The following FGF13 variants were observed in gnomAD, a reference collection of about 807,000 sequenced individuals.
The protein encoded by FGF13 is fibroblast growth factor homologous factor 2.
Under a neutral mutation model 19.5 loss-of-function variants are expected in FGF13, and 2 were observed. That is an observed-to-expected ratio of 0.10 (90% CI 0.04 to 0.32). The LOEUF (loss-of-function observed/expected upper bound fraction) is 0.32, where lower values mean the gene tolerates loss of function less well. FGF13 is among the 10% of genes least tolerant of loss of function. The pLI, the probability that FGF13 is intolerant of heterozygous loss-of-function variation, is 1.00. For missense variants in FGF13, 113 were observed against 192.7 expected (o/e 0.59, Z 2.45); for synonymous variants, 72 against 76.9 (o/e 0.94, Z 0.33).
intron 1 of FGF13, among the ~76,000 whole-genome samples, chrX:139,183,082 G>A (rs978270268): frequency 1.1e-4 from 12 of 111,508 alleles, no homozygotes; most frequent in African/African-American, 3.6e-4. Flanking sequence ...AAAGGGGAAG[G>A]GCAAATCTGC....
At chrX:138,904,865 A>G (rs189937240) in intron 1 of FGF13, among the ~76,000 whole-genome samples, 1 of 111,905 alleles carries the variant, frequency 8.9e-6, no homozygotes, top group African/African-American at 3.2e-5. Context: ...GTTGAAAGTG[A>G]AACTTGGTAA....
At chrX:138,897,786 T>A (rs1396327711) in intron 1 of FGF13, among the ~76,000 whole-genome samples, 2 of 111,546 alleles carry the variant, frequency 1.8e-5, no homozygotes, top group Non-Finnish European at 3.8e-5. Context: ...GCTTGCATGA[T>A]CAGCCATGGC....
chrX:139,175,013 T>C (rs776348889), intron 1 of FGF13, among the ~76,000 whole-genome samples: 2 of 112,311 alleles, frequency 1.8e-5, no homozygotes, highest in Non-Finnish European at 3.8e-5. Flanking sequence ...TGATATTGTT[T>C]CTTCCTATCC....
chrX:139,121,940 G>A (rs779626864), intron 1 of FGF13, among the ~76,000 whole-genome samples: 7 of 110,852 alleles, frequency 6.3e-5, no homozygotes, highest in Non-Finnish European at 9.4e-5. Context: ...GCTTAGGATC[G>A]GCTAGTTTGA....
At chrX:139,029,749 G>T (rs2092219612) in intron 1 of FGF13, among the ~76,000 whole-genome samples, 1 of 110,975 alleles carries the variant, frequency 9.0e-6, no homozygotes, top group African/African-American at 3.3e-5. Context: ...GTTATATGAG[G>T]CTCAATTTAC....
chrX:138,851,393 C>T (rs1468367696), intron 3 of FGF13, among the ~76,000 whole-genome samples: 3 of 111,691 alleles, frequency 2.7e-5, no homozygotes, highest in Non-Finnish European at 5.7e-5. Flanking sequence ...ACAGCCTTAC[C>T]ACCATCTGTT....
At chrX:138,917,780 T>TG (rs1471456737) in intron 1 of FGF13, among the ~76,000 whole-genome samples, 1 of 111,637 alleles carries the variant, frequency 9.0e-6, no homozygotes, top group Non-Finnish European at 1.9e-5. Flanking sequence ...AGGCAACATC[T>TG]GGGGGTGTGT....
chrX:139,077,710 T>C (rs1444670566), intron 1 of FGF13, among the ~76,000 whole-genome samples: 1 of 111,860 alleles, frequency 8.9e-6, no homozygotes, highest in Non-Finnish European at 1.9e-5. Flanking sequence ...AGATAATGTG[T>C]AAACTTAAAA....
intron 1 of FGF13, among the ~76,000 whole-genome samples, chrX:139,175,446 A>C (rs1446610728): frequency 9.0e-6 from 1 of 110,775 alleles, no homozygotes; most frequent in East Asian, 2.8e-4. Context: ...ATGTTGAATA[A>C]GAGTTCTGAG....
At chrX:139,089,841 A>C (rs2083428411) in intron 1 of FGF13, among the ~76,000 whole-genome samples, 1 of 111,486 alleles carries the variant, frequency 9.0e-6, no homozygotes, top group Admixed American at 9.5e-5. Flanking sequence ...CTTTGTGACC[A>C]TCATTATTAT....
intron 1 of FGF13, among the ~76,000 whole-genome samples, chrX:139,049,632 C>T (rs1324347950): frequency 1.8e-5 from 2 of 112,575 alleles, no homozygotes; most frequent in African/African-American, 6.5e-5. Flanking sequence ...CCATGAGTCA[C>T]AATGGCAGCT....
chrX:139,158,333 T>C (rs1330368653), intron 1 of FGF13, among the ~76,000 whole-genome samples: 3 of 110,567 alleles, frequency 2.7e-5, no homozygotes, highest in Admixed American at 1.9e-4. Flanking sequence ...CCCACCCCCA[T>C]TGAGCCCAGC....
intron 1 of FGF13, among the ~76,000 whole-genome samples, chrX:138,734,078 T>C (rs1318045385): frequency 9.0e-6 from 1 of 111,716 alleles, no homozygotes. Context: ...CCATGTTCTA[T>C]TCAGTACTGC....
chrX:138,685,257 A>G (rs2089769101), intron 3 of FGF13, among the ~76,000 whole-genome samples: 1 of 111,180 alleles, frequency 9.0e-6, no homozygotes, highest in African/African-American at 3.3e-5. Flanking sequence ...CTGCCACAAG[A>G]TCATACCAGG....
chrX:139,151,147 C>T (rs1484861405), intron 1 of FGF13, among the ~76,000 whole-genome samples: 1 of 110,971 alleles, frequency 9.0e-6, no homozygotes, highest in Non-Finnish European at 1.9e-5. Context: ...CTCTCGAGAG[C>T]TCAACCTTAC....
At chrX:138,633,058 G>A (rs2089138850) in intron 4 of FGF13, 72 bp from the exon 5 acceptor site, 1 of 1,070,494 alleles carries the variant, frequency 9.3e-7, no homozygotes, top group East Asian at 3.1e-5. Flanking sequence ...TCTAAGAATA[G>A]TTTGTAGGTG....
intron 3 of FGF13, among the ~76,000 whole-genome samples, chrX:138,778,484 C>G (rs897037563): frequency 8.9e-6 from 1 of 112,133 alleles, no homozygotes; most frequent in African/African-American, 3.2e-5. Flanking sequence ...CGAAGCAGGG[C>G]GAGGTATTGC....
chrX:138,879,634 T>C (rs934048088), intron 1 of FGF13, among the ~76,000 whole-genome samples: 11 of 111,379 alleles, frequency 9.9e-5, no homozygotes, highest in African/African-American at 2.9e-4. Context: ...CATTAGGCAT[T>C]TCTCCTAATG....
intron 3 of FGF13, among the ~76,000 whole-genome samples, chrX:138,646,817 T>A (rs2089311844): frequency 9.0e-6 from 1 of 111,702 alleles, no homozygotes; most frequent in African/African-American, 3.3e-5. Context: ...TGTGTGTATG[T>A]GTGCACTCAC....
Sources: gnomAD v4.1 joint callset for allele counts (sites outside exome capture counted in the v4.1 genomes callset) on GRCh38, gnomAD v4.1.1 for gene constraint, MANE v1.5 for transcripts, NCBI Gene and HGNC (gene_info 2026-07-23, HGNC 2026-07-21) for gene names.